The following MIA2 variants were observed in gnomAD, a reference collection of about 807,000 sequenced individuals.
MIA2 encodes melanoma inhibitory activity protein 2.
MIA2 carries 127 observed loss-of-function variants against 167.8 expected under a neutral mutation model. The observed-to-expected ratio is 0.76, with a 90% CI of 0.66 to 0.88. The LOEUF is 0.88. MIA2 is among the 40% of genes least tolerant of loss of function. The pLI is 0.00. For synonymous variants in MIA2, 552 were observed against 541.9 expected (o/e 1.02, Z -0.26); for missense variants, 1,690 against 1,624.7 (o/e 1.04, Z -0.69).
chr14:39,363,624 A>G (rs573071384), intron 23 of MIA2, among the ~76,000 whole-genome samples: 1 of 152,238 alleles, frequency 6.6e-6, no homozygotes, highest in Non-Finnish European at 1.5e-5. Flanking sequence ...CGTAACTATT[A>G]CTGCATTGGT....
chr14:39,236,544 C>T (rs1296956932), intron 1 of MIA2, among the ~76,000 whole-genome samples: 1 of 152,098 alleles, frequency 6.6e-6, no homozygotes, highest in Non-Finnish European at 1.5e-5. Context: ...TATCATAATG[C>T]CTAGAATATA....
chr14:39,288,450 TATATATATA>T lies in MIA2; in HGVS notation c.2131-2568_2131-2560del, dbSNP rs2060145217. On this transcript the variant is annotated intron_variant, in intron 9 of 28. Transcript: ENST00000640607. Reference sequence around the variant, plus strand: ...TATTATACATATATATATATATATATATATATATATATATATATATATATATTTTTTTTT... The same window carrying T: ...TATTATACATATATATATATATATATTATATATATATATATATTTTTTTTT... 2.0e-3 allele frequency among the ~76,000 whole-genome samples: 50 copies of T among 25,444 alleles called. 3 individuals are homozygous for T. Among genetic ancestry groups the T allele is most frequent in the African/African-American group, 3.9e-3 (26 of 6,728 alleles). 16.7% of individuals were successfully genotyped at this position (25,444 alleles called of 152,430 possible). A position where few individuals can be genotyped will look rare whatever the true frequency, so the allele number is the denominator to read the frequency against.
chr14:39,281,224 C>G (rs1011713630), intron 9 of MIA2, among the ~76,000 whole-genome samples: 1 of 152,138 alleles, frequency 6.6e-6, no homozygotes, highest in African/African-American at 2.4e-5. Context: ...CGTGCTCTAC[C>G]TTTTATTAGT....
intron 10 of MIA2, among the ~76,000 whole-genome samples, chr14:39,292,293 A>G (rs935459387): frequency 3.9e-5 from 6 of 152,214 alleles, no homozygotes; most frequent in African/African-American, 1.2e-4. Flanking sequence ...TGAGGATAAA[A>G]TATTACACAT....
chr14:39,329,443 C>A (rs1425135612), intron 25 of MIA2, among the ~76,000 whole-genome samples: 2 of 152,042 alleles, frequency 1.3e-5, no homozygotes, highest in South Asian at 2.1e-4. Flanking sequence ...ATATGAATAC[C>A]CTTTATTTAT....
intron 13 of MIA2, 43 bp from the exon 14 acceptor site, chr14:39,299,821 T>G (rs924609431): frequency 1.3e-6 from 2 of 1,574,326 alleles, no homozygotes; most frequent in Non-Finnish European, 1.7e-6. Context: ...TTTTAATGAT[T>G]CACTTGTGTG....
downstream of MIA2, among the ~76,000 whole-genome samples, chr14:39,353,111 C>T (rs558321461): frequency 6.4e-4 from 98 of 152,114 alleles, no homozygotes; most frequent in Non-Finnish European, 1.2e-3. Flanking sequence ...GTGAGTGTTA[C>T]TTGCATAGAC....
chr14:39,270,157 A>G (rs1225964934), intron 6 of MIA2, among the ~76,000 whole-genome samples: 1 of 143,030 alleles, frequency 7.0e-6, no homozygotes, highest in Non-Finnish European at 1.5e-5. Context: ...TTTAATTGCC[A>G]CCCTTGTGGG....
intron 9 of MIA2, among the ~76,000 whole-genome samples, chr14:39,288,469 A>ATCTTTTTTTT (rs1289953072): frequency 1.9e-5 from 1 of 52,708 alleles, no homozygotes; most frequent in African/African-American, 1.0e-4. Context: ...ATATATATAT[A>ATCTTTTTTTT]TATATATTTT....
intron 25 of MIA2, among the ~76,000 whole-genome samples, chr14:39,328,581 G>T (rs1343442624): frequency 6.6e-6 from 1 of 152,132 alleles, no homozygotes; most frequent in African/African-American, 2.4e-5. Flanking sequence ...TTTTCTTGTA[G>T]GGTTTTTATG....
chr14:39,306,357 A>C (rs1009783549), intron 17 of MIA2, among the ~76,000 whole-genome samples: 2 of 152,202 alleles, frequency 1.3e-5, no homozygotes, highest in African/African-American at 4.8e-5. Context: ...GGGAGGTGTC[A>C]GGAAATTAAC....
intron 23 of MIA2, among the ~76,000 whole-genome samples, chr14:39,369,499 A>G (rs538609929): frequency 6.6e-6 from 1 of 152,360 alleles, no homozygotes; most frequent in South Asian, 2.1e-4. Context: ...AGGTTCCATC[A>G]GGTAGACTGG....
chr14:39,358,626 C>T (rs917543446), intron 23 of MIA2, among the ~76,000 whole-genome samples: 25 of 152,298 alleles, frequency 1.6e-4, no homozygotes, highest in Non-Finnish European at 3.1e-4. Flanking sequence ...AGGAGAGGCT[C>T]TCTGATTTTT....
rs192418955 is a variant in MIA2 at position 39,296,587 on chromosome 14, G to A, written c.2496+1558G>A. Among the ~76,000 whole-genome samples, 1,270 of 142,104 alleles carry A rather than the reference G, an allele frequency of 8.9e-3. 18 individuals are homozygous for A. Among genetic ancestry groups the A allele is most frequent in the African/African-American group, 0.029 (1,150 of 39,256 alleles). 93.2% of individuals were successfully genotyped at this position (142,104 alleles called of 152,430 possible). A position where few individuals can be genotyped will look rare whatever the true frequency, so the allele number is the denominator to read the frequency against. ...TGAGCCACCGCGCCTGGCCACGGGC[G>A]GGGTTTTCTTTTCTTTTCTTTTTTT... On this transcript the variant is annotated intron_variant, in intron 13 of 28. Coordinates refer to ENST00000640607, the MANE Select transcript of MIA2 (RefSeq NM_001329214.4).
chr14:39,299,981 A>G lies in MIA2; in HGVS notation c.2614A>G (p.Ile872Val), dbSNP rs1450229951. 6.3e-7 allele frequency: 1 copy of G among 1,592,446 alleles called. No homozygotes were observed. Among genetic ancestry groups the G allele is most frequent in the Admixed American group, 1.8e-5 (1 of 55,400 alleles). ...AGTTCTAAATGATAAAGAAAGTCAC[A>G]TCAAGGTAAATGGCTCTACTGGTTT... ...EQVLNDKESHIKTLTERLLKM... is the reference protein window; with the variant it reads ...EQVLNDKESHVKTLTERLLKM... The change falls in exon 14 of 29, where the codon ATC (isoleucine) becomes GTC (valine). Residue 872 changes from isoleucine to valine, a missense_variant. By Grantham distance (29) the Ile-to-Val change is conservative. Transcript: ENST00000640607.
chr14:39,270,851 T>G (rs536309893), intron 6 of MIA2, among the ~76,000 whole-genome samples: 1 of 152,352 alleles, frequency 6.6e-6, no homozygotes, highest in Admixed American at 6.5e-5. Context: ...TCTTTATACA[T>G]TTAGGGTGCT....
chr14:39,358,375 A>G (rs951982204), intron 23 of MIA2, among the ~76,000 whole-genome samples: 2 of 152,176 alleles, frequency 1.3e-5, no homozygotes, highest in African/African-American at 4.8e-5. Context: ...TTCGTCACGT[A>G]GTTCTTGTGC....
chr14:39,345,457 C>T (rs1021244365), intron 25 of MIA2, among the ~76,000 whole-genome samples: 1 of 152,146 alleles, frequency 6.6e-6, no homozygotes, highest in Non-Finnish European at 1.5e-5. Context: ...CTGAATGATA[C>T]TCTTTCTGCT....
At chr14:39,301,007 TACAC>T (rs1566819517) in intron 14 of MIA2, among the ~76,000 whole-genome samples, 1 of 144,594 alleles carries the variant, frequency 6.9e-6, no homozygotes, top group Non-Finnish European at 1.5e-5. Context: ...TATACATATA[TACAC>T]ATATATACAC....
Sources: allele counts gnomAD v4.1 joint callset (sites outside exome capture counted in the v4.1 genomes callset), GRCh38; gene constraint gnomAD v4.1.1; transcripts MANE v1.5; gene names NCBI Gene and HGNC (gene_info 2026-07-23, HGNC 2026-07-21).